N4BP2: variants seen among roughly 807,000 people sequenced by gnomAD.
N4BP2 encodes the protein NEDD4-binding protein 2.
A neutral mutation model predicts 152.8 loss-of-function variants in N4BP2; 91 were observed. The observed-to-expected ratio is 0.60, with a 90% CI of 0.50 to 0.71. The LOEUF (loss-of-function observed/expected upper bound fraction) is 0.71. Among genes scored for constraint, N4BP2 ranks in the 30% least tolerant of loss-of-function variants. N4BP2 has a pLI of 0.00. For synonymous variants in N4BP2, 646 were observed against 705.3 expected (o/e 0.92, Z 1.33); for missense variants, 1,923 against 2,059.1 (o/e 0.93, Z 1.28).
intron 11 of N4BP2, among the ~76,000 whole-genome samples, chr4:40,124,437 C>T (rs1013409186): frequency 6.6e-6 from 1 of 152,098 alleles, no homozygotes; most frequent in African/African-American, 2.4e-5. Flanking sequence ...ACCTCTGCCT[C>T]CTGGGTTCAA....
Position 40,137,015 on chromosome 4 carries a change from C to A in N4BP2, c.4718C>A (p.Ala1573Asp), listed in dbSNP as rs541894478. 1 of 1,613,534 alleles carries A rather than the reference C, an allele frequency of 6.2e-7. No homozygotes were observed. Among genetic ancestry groups the A allele is most frequent in the Non-Finnish European group, 8.5e-7 (1 of 1,179,616 alleles). ...GGGGACCCTGTAAAAACAGTTGTAG[C>A]CCAAGAGTTTGTTCACCAAAATGAG... ...LEGDPVKTVV[A>D]QEFVHQNENV... The change falls in exon 14 of 18, where the codon GCC becomes GAC. Residue 1573 changes from alanine (A) to aspartate (D), a missense_variant. Physicochemically the swap from Ala to Asp is moderately radical, Grantham distance 126. Coordinates refer to ENST00000261435, the MANE Select transcript of N4BP2 (RefSeq NM_018177.6).
intron 4 of N4BP2, among the ~76,000 whole-genome samples, chr4:40,106,603 C>T (rs542062729): frequency 6.6e-6 from 1 of 152,032 alleles, no homozygotes; most frequent in African/African-American, 2.4e-5. Context: ...GGCTGGAGTA[C>T]GGTGGCGCAA....
downstream of N4BP2, among the ~76,000 whole-genome samples, chr4:40,160,955 G>T (rs1721842559): frequency 6.6e-6 from 1 of 152,168 alleles, no homozygotes; most frequent in Admixed American, 6.6e-5. Flanking sequence ...TTTATCCTCA[G>T]TGGGGATGGG....
At chr4:40,131,701 A>T (rs1560627261) in intron 12 of N4BP2, 100 bp from the exon 13 acceptor site, 11 of 794,858 alleles carry the variant, frequency 1.4e-5, no homozygotes, top group Non-Finnish European at 2.3e-5. Context: ...GATTGCTTTT[A>T]AATCATCAGT....
intron 12 of N4BP2, among the ~76,000 whole-genome samples, chr4:40,128,606 C>T (rs1325994489): frequency 6.6e-6 from 1 of 151,544 alleles, no homozygotes; most frequent in Non-Finnish European, 1.5e-5. Context: ...TGGCACACTG[C>T]AACCTCCACC....
At chr4:40,142,312 G>A in intron 14 of N4BP2, 1 of 323,838 alleles carries the variant, frequency 3.1e-6, no homozygotes, top group Non-Finnish European at 6.1e-6. Context: ...TCTGGCGGTG[G>A]TGGCGACGGC....
intron 12 of N4BP2, among the ~76,000 whole-genome samples, chr4:40,127,057 G>A (rs537055781): frequency 2.7e-5 from 4 of 150,462 alleles, no homozygotes; most frequent in African/African-American, 4.9e-5. Context: ...CCATGCCCAC[G>A]AATTTTTGAA....
chr4:40,124,941 A>C (rs1401917567), intron 11 of N4BP2, among the ~76,000 whole-genome samples: 1 of 152,234 alleles, frequency 6.6e-6, no homozygotes, highest in Non-Finnish European at 1.5e-5. Context: ...TTTTTGGTAC[A>C]TCCTGCCAAC....
the N4BP2 span, among the ~76,000 whole-genome samples, chr4:40,183,699 T>C: frequency 6.0e-3 from 912 of 152,364 alleles, 15 homozygotes; most frequent in African/African-American, 0.021. Context: ...TATTTGTTAC[T>C]ATATCATTAG....
At chr4:40,089,852 T>A (rs1190930001) in intron 2 of N4BP2, among the ~76,000 whole-genome samples, 1 of 152,234 alleles carries the variant, frequency 6.6e-6, no homozygotes, top group Non-Finnish European at 1.5e-5. Flanking sequence ...CCTTTTTTCC[T>A]GAAAATTTTA....
chr4:40,122,356 C>T lies in N4BP2; in HGVS notation c.4198+47C>T, dbSNP rs1212513117. On this transcript the variant is annotated intron_variant, in intron 9 of 17. Coordinates refer to ENST00000261435, the MANE Select transcript of N4BP2 (RefSeq NM_018177.6). ...ATGTGTGTGTCTTTGTGTGACTAGA[C>T]TACAGAGGGTTCTATTTTGTATTTT... 5 of 1,268,084 alleles carry T rather than the reference C, an allele frequency of 3.9e-6. No individual in the cohort carries two copies. In the African/African-American group the frequency reaches 6.0e-5, roughly 15 times the overall value. The allele number at this position is 1,268,084 out of a possible 1,614,324, so 78.6% of individuals were successfully genotyped here. A position where few individuals can be genotyped will look rare whatever the true frequency, so the allele number is the denominator to read the frequency against.
intron 3 of N4BP2, 24 bp downstream of exon 3, chr4:40,097,593 C>G (rs770880542): frequency 1.4e-6 from 2 of 1,396,708 alleles, no homozygotes; most frequent in South Asian, 1.2e-5. Flanking sequence ...TAGTTTGAAC[C>G]CTGTCCATCT....
chr4:40,139,171 C>T (rs1039811352), intron 14 of N4BP2, among the ~76,000 whole-genome samples: 6 of 151,958 alleles, frequency 3.9e-5, no homozygotes, highest in African/African-American at 1.4e-4. Context: ...CTTTTTCATG[C>T]TATTGTAAAT....
the N4BP2 span, among the ~76,000 whole-genome samples, chr4:40,163,807 GTGTTAC>G: frequency 6.6e-6 from 1 of 152,184 alleles, no homozygotes; most frequent in Non-Finnish European, 1.5e-5. Context: ...TTTGGGTTTT[GTGTTAC>G]ACCTGGAAGC....
At chr4:40,137,881 G>C (rs943323347) in intron 14 of N4BP2, among the ~76,000 whole-genome samples, 1 of 152,180 alleles carries the variant, frequency 6.6e-6, no homozygotes, top group East Asian at 1.9e-4. Flanking sequence ...TCTGATACTC[G>C]GGGGCAGGTG....
rs111864935 is a variant in N4BP2, at chr4:40,153,185, A to G, written c.5267+282A>G. On this transcript the variant is annotated intron_variant, in intron 17 of 17. Coordinates refer to ENST00000261435, the MANE Select transcript of N4BP2 (RefSeq NM_018177.6). ...ATAAGGAAAAATGTGTTTGTTGCCAATAATCATCTGATAAAACTTTCTATC... is the reference window on the plus strand; with the variant it reads ...ATAAGGAAAAATGTGTTTGTTGCCAGTAATCATCTGATAAAACTTTCTATC... Among the ~76,000 whole-genome samples the G allele has an allele frequency of 5.9e-3, 893 of 152,368 alleles. 9 individuals carry two copies. The highest frequency in any genetic ancestry group is 0.02 in the African/African-American group (850 of 41,584).
Position 40,141,647 on chromosome 4 carries a change from C to T in N4BP2, c.4786-1026C>T, listed in dbSNP as rs563414038. 5.9e-3 allele frequency among the ~76,000 whole-genome samples: 898 copies of T among 152,070 alleles called. 9 individuals carry two copies. The highest frequency in any genetic ancestry group is 0.02 in the African/African-American group (849 of 41,526). ...GGCTCCTCACGTCCCAGATGATGGG[C>T]GGCCAGGCAGAGACGCTCCTCACTT... On this transcript the variant is annotated intron_variant, in intron 14 of 17. Transcript: ENST00000261435.
chr4:40,112,714 TG>T (rs375938671), intron 6 of N4BP2, among the ~76,000 whole-genome samples: 247 of 152,078 alleles, frequency 1.6e-3, no homozygotes, highest in African/African-American at 5.6e-3. Context: ...TTTTTTTTTT[TG>T]TTGTTGAGAT....
At chr4:40,147,262 A>G (rs1247455710) in intron 16 of N4BP2, among the ~76,000 whole-genome samples, 1 of 152,034 alleles carries the variant, frequency 6.6e-6, no homozygotes, top group East Asian at 1.9e-4. Context: ...CCAAGGCAGA[A>G]GAATTTTTCT....
Sources: gnomAD v4.1 joint callset for allele counts (sites outside exome capture counted in the v4.1 genomes callset) on GRCh38, gnomAD v4.1.1 for gene constraint, MANE v1.5 for transcripts, NCBI Gene and HGNC (gene_info 2026-07-23, HGNC 2026-07-21) for gene names.